The following GPC5 variants were observed in gnomAD, a reference collection of about 807,000 sequenced individuals.
The protein encoded by GPC5 is glypican-5.
In GPC5, 47 loss-of-function variants were observed where a neutral mutation model predicts 53.9. The observed-to-expected ratio is 0.87, with a 90% CI of 0.69 to 1.11. The LOEUF (loss-of-function observed/expected upper bound fraction) is 1.11, where lower values mean the gene tolerates loss of function less well. Among genes scored for constraint, GPC5 ranks in the 50% most tolerant of loss-of-function variants. GPC5 has a pLI of 0.00. For missense variants in GPC5, 748 were observed against 713.1 expected (o/e 1.05, Z -0.56); for synonymous variants, 286 against 263.3 (o/e 1.09, Z -0.84).
intron 7 of GPC5, among the ~76,000 whole-genome samples, chr13:92,587,029 T>C (rs1388098020): frequency 2.0e-5 from 3 of 152,158 alleles, no homozygotes; most frequent in African/African-American, 7.2e-5. Context: ...TGAGCTATTT[T>C]CTTCTTGAAC....
At chr13:91,917,900 A>C (rs939842061) in intron 6 of GPC5, among the ~76,000 whole-genome samples, 1 of 151,850 alleles carries the variant, frequency 6.6e-6, no homozygotes, top group Non-Finnish European at 1.5e-5. Context: ...AACTGTGTCA[A>C]CCTCTGTTTC....
chr13:92,723,887 G>C (rs998996589), intron 7 of GPC5, among the ~76,000 whole-genome samples: 3 of 151,470 alleles, frequency 2.0e-5, no homozygotes, highest in African/African-American at 7.3e-5. Context: ...AAAAACAATA[G>C]AGTACTTTGG....
At chr13:92,670,545 C>A (rs1886711088) in intron 7 of GPC5, among the ~76,000 whole-genome samples, 1 of 152,176 alleles carries the variant, frequency 6.6e-6, no homozygotes. Flanking sequence ...CCTGCTAAAT[C>A]TTTTCCATAT....
At chr13:92,659,606 C>A (rs190676471) in intron 7 of GPC5, among the ~76,000 whole-genome samples, 6 of 152,006 alleles carry the variant, frequency 3.9e-5, no homozygotes, top group East Asian at 3.9e-4. Flanking sequence ...ATTTAACAAG[C>A]CATTATAGTC....
chr13:92,411,875 ATCTT>A (rs71809994), intron 7 of GPC5, among the ~76,000 whole-genome samples: 20,644 of 152,110 alleles, frequency 0.14, 1,766 homozygotes, highest in East Asian at 0.42. Flanking sequence ...ATTTACCGTT[ATCTT>A]TCTATTAGGT....
intron 2 of GPC5, among the ~76,000 whole-genome samples, chr13:91,518,849 G>A (rs1430606291): frequency 3.9e-5 from 6 of 152,112 alleles, no homozygotes; most frequent in East Asian, 1.9e-4. Flanking sequence ...CACCACACCC[G>A]GCTCAATTTC....
At chr13:92,352,432 G>A (rs1440587147) in intron 7 of GPC5, among the ~76,000 whole-genome samples, 1 of 152,118 alleles carries the variant, frequency 6.6e-6, no homozygotes, top group African/African-American at 2.4e-5. Context: ...CAAGAAGCTA[G>A]GTTACAAACT....
intron 2 of GPC5, among the ~76,000 whole-genome samples, chr13:91,575,281 T>C (rs906174402): frequency 3.3e-5 from 5 of 152,140 alleles, no homozygotes; most frequent in African/African-American, 1.2e-4. Flanking sequence ...AATTATAGTA[T>C]AAAATGGTCA....
chr13:92,556,528 G>A (rs1370124115), intron 7 of GPC5, among the ~76,000 whole-genome samples: 1 of 151,676 alleles, frequency 6.6e-6, no homozygotes, highest in African/African-American at 2.4e-5. Context: ...CCCAAGGTAC[G>A]CAGTTGCAAT....
intron 7 of GPC5, among the ~76,000 whole-genome samples, chr13:92,290,961 T>A (rs2042990393): frequency 6.6e-6 from 1 of 152,080 alleles, no homozygotes; most frequent in African/African-American, 2.4e-5. Context: ...GGGCCTGGGC[T>A]CGGCAGGCCC....
chr13:92,655,620 C>T lies in GPC5; in HGVS notation c.1562-210662C>T, dbSNP rs554842243. Among the ~76,000 whole-genome samples, 162 of 152,246 alleles carry T rather than the reference C, an allele frequency of 1.1e-3. 1 individual carries two copies. The highest frequency in any genetic ancestry group is 3.7e-3 in the African/African-American group (155 of 41,554). On this transcript the variant is annotated intron_variant, in intron 7 of 7. Coordinates refer to ENST00000377067, the MANE Select transcript of GPC5 (RefSeq NM_004466.6). ...CCTCCCAAAGTGCTGGGGTTATAGGCGTGAGCCACCGCACCTGTTCGGTTG... is the reference window on the plus strand; with the variant it reads ...CCTCCCAAAGTGCTGGGGTTATAGGTGTGAGCCACCGCACCTGTTCGGTTG...
At chr13:92,826,870 CT>C (rs1030533906) in intron 7 of GPC5, among the ~76,000 whole-genome samples, 1 of 152,014 alleles carries the variant, frequency 6.6e-6, no homozygotes, top group Non-Finnish European at 1.5e-5. Context: ...ATCCTATGCC[CT>C]TTAACAAGGC....
chr13:92,714,756 G>C (rs985407950), intron 7 of GPC5, among the ~76,000 whole-genome samples: 1 of 151,984 alleles, frequency 6.6e-6, no homozygotes, highest in Non-Finnish European at 1.5e-5. Flanking sequence ...AAAGCACTTG[G>C]CCAAACAACA....
At chr13:92,109,250 G>A (rs2041537126) in intron 6 of GPC5, among the ~76,000 whole-genome samples, 1 of 150,878 alleles carries the variant, frequency 6.6e-6, no homozygotes, top group Non-Finnish European at 1.5e-5. Context: ...TTTTTTTTGT[G>A]CAGATGGGGT....
intron 2 of GPC5, among the ~76,000 whole-genome samples, chr13:91,607,694 A>T (rs1444446769): frequency 1.3e-5 from 2 of 152,200 alleles, no homozygotes; most frequent in South Asian, 4.1e-4. Context: ...TAGCCAATAT[A>T]AGTGTGGCTT....
At chr13:92,627,564 C>G (rs573446071) in intron 7 of GPC5, among the ~76,000 whole-genome samples, 14 of 152,268 alleles carry the variant, frequency 9.2e-5, no homozygotes, top group African/African-American at 3.4e-4. Context: ...AACATATTTA[C>G]TGTAATTCAT....
intron 6 of GPC5, among the ~76,000 whole-genome samples, chr13:92,047,602 G>A (rs1194088575): frequency 1.3e-5 from 2 of 151,134 alleles, no homozygotes; most frequent in Non-Finnish European, 2.9e-5. Flanking sequence ...GCATATATAG[G>A]TATTATTTTG....
rs543794941 is a variant in GPC5, at chr13:92,167,325, T to C, written c.1561+22336T>C. ...CATTGATGTATAGTGAGAATTCTTT[T>C]ATAAAAACAAATTGTATATGGTTTT... On this transcript the variant is annotated intron_variant, in intron 7 of 7. Transcript: ENST00000377067. Among the ~76,000 whole-genome samples the C allele has an allele frequency of 2.6e-5, 4 of 152,306 alleles. No individual in the cohort carries two copies. The East Asian group carries it at 7.7e-4, about 29-fold the overall frequency.
At chr13:91,600,348 A>T (rs9583947) in intron 2 of GPC5, among the ~76,000 whole-genome samples, 22,215 of 94,744 alleles carry the variant, frequency 0.23, 3,450 homozygotes, top group African/African-American at 0.48. Flanking sequence ...AGAGAGAGAG[A>T]GTGTGTGTGT....
Sources: gnomAD v4.1 joint callset for allele counts (sites outside exome capture counted in the v4.1 genomes callset) on GRCh38, gnomAD v4.1.1 for gene constraint, MANE v1.5 for transcripts, NCBI Gene and HGNC (gene_info 2026-07-23, HGNC 2026-07-21) for gene names.